Variants in SLC22A25 observed in about 807,000 individuals in gnomAD.
SLC22A25 encodes the protein MGI:2442751, MGI:2385316, MGI:3042283, MGI:3645714, MGI:3605624, MGI:2442750.
Under a neutral mutation model 45.9 loss-of-function variants are expected in SLC22A25, and 44 were observed. The ratio of observed to expected loss-of-function variants is 0.96; its 90% CI spans 0.75 to 1.23. SLC22A25 has a LOEUF of 1.23. Among genes scored for constraint, SLC22A25 ranks in the 50% most tolerant of loss-of-function variants. The pLI is 0.00. For missense variants in SLC22A25, 800 were observed against 666.4 expected (o/e 1.20, Z -2.21); for synonymous variants, 283 against 238.6 (o/e 1.19, Z -1.72).
At chr11:63,183,501 C>T (rs906932008) in intron 8 of SLC22A25, among the ~76,000 whole-genome samples, 193 bp downstream of exon 8, 1 of 152,022 alleles carries the variant, frequency 6.6e-6, no homozygotes, top group African/African-American at 2.4e-5. Flanking sequence ...TATCTGTGTC[C>T]CATCCTTTCA....
At chr11:63,181,965 G>C (rs370450664) in intron 8 of SLC22A25, among the ~76,000 whole-genome samples, 1 of 152,114 alleles carries the variant, frequency 6.6e-6, no homozygotes, top group East Asian at 1.9e-4. Flanking sequence ...TGAATGTTAC[G>C]TACTGAACTC....
At position 63,166,302 on chromosome 11, in the gene SLC22A25, C is replaced by A. The variant is rs2226866; in HGVS notation, c.1071-44G>T. On this transcript the variant is annotated intron_variant, in intron 9 of 11. Coordinates refer to ENST00000306494, the MANE Select transcript of SLC22A25 (RefSeq NM_199352.6). ...AAGGCACATATTATAATCTGTGGAACCTAAATCCTACAAATGAGAATAATA... is the reference window on the plus strand; with the variant it reads ...AAGGCACATATTATAATCTGTGGAAACTAAATCCTACAAATGAGAATAATA... 424 of 1,600,214 alleles carry A rather than the reference C, an allele frequency of 2.6e-4. 2 individuals carry two copies. Among genetic ancestry groups the A allele is most frequent in the African/African-American group, 2.5e-3 (184 of 74,684 alleles).
At chr11:63,216,563 G>T (rs1263148663) in intron 7 of SLC22A25, among the ~76,000 whole-genome samples, 1 of 152,162 alleles carries the variant, frequency 6.6e-6, no homozygotes, top group Admixed American at 6.6e-5. Flanking sequence ...ACAAGATTGT[G>T]TCCTTTGCAG....
chr11:63,217,445 T>C lies in SLC22A25; in HGVS notation c.699A>G (p.Ala233=), dbSNP rs1234582586. The change falls in exon 7 of 12, where the codon GCA becomes GCG. Residue 233 remains alanine (A), a synonymous_variant. Coordinates refer to ENST00000306494, the MANE Select transcript of SLC22A25 (RefSeq NM_199352.6). ...EWITHQFCAM[A]LTLTLCAASI... ...TAGCAGCACAAAGTGTCAATGTCAA[T>C]GCCATGGCACAGAATTGGTGAGTTA... 6.2e-7 allele frequency: 1 copy of C among 1,614,070 alleles called. No individual in the cohort carries two copies. Among genetic ancestry groups the C allele is most frequent in the Non-Finnish European group, 8.5e-7 (1 of 1,180,008 alleles).
chr11:63,220,631 C>T (rs886126607), intron 5 of SLC22A25, among the ~76,000 whole-genome samples: 3 of 152,168 alleles, frequency 2.0e-5, no homozygotes, highest in Admixed American at 1.3e-4. Context: ...TCCAATTATA[C>T]TCTTTTAGTT....
In SLC22A25 at chr11:63,166,534, G is replaced by A. The variant is rs1590771203; in HGVS notation, c.1071-276C>T. On this transcript the variant is annotated intron_variant, in intron 9 of 11. Transcript: ENST00000306494. The stretch of plus-strand genomic sequence containing the variant: ...ATTTTAAAAGCAATGGATTTTATTA[G>A]TATTCTAAAACCAATGTAGCCACAT... 7.9e-6 allele frequency: 9 copies of A among 1,137,510 alleles called. 1 individual carries two copies. In the South Asian group the frequency reaches 2.9e-4, roughly 37 times the overall value. The allele number at this position is 1,137,510 out of a possible 1,614,324, so 70.5% of individuals were successfully genotyped here.
chr11:63,193,121 C>A (rs1006387896), intron 7 of SLC22A25, among the ~76,000 whole-genome samples: 6 of 152,104 alleles, frequency 3.9e-5, no homozygotes, highest in Admixed American at 1.3e-4. Context: ...TAACTGAAAT[C>A]ATAAAAACAG....
intron 11 of SLC22A25, 39 bp downstream of exon 11, chr11:63,164,487 C>T: frequency 6.5e-7 from 1 of 1,542,604 alleles, no homozygotes; most frequent in Non-Finnish European, 9.0e-7. Flanking sequence ...TGAGACAGGT[C>T]CATTTTGAGA....
At chr11:63,180,855 A>G (rs1590804269) in intron 8 of SLC22A25, 80 bp from the exon 9 acceptor site, 1 of 924,094 alleles carries the variant, frequency 1.1e-6, no homozygotes, top group East Asian at 2.5e-5. Flanking sequence ...CAACCAACAG[A>G]TGACAAGATA....
chr11:63,170,924 T>C (rs113950742), intron 9 of SLC22A25, among the ~76,000 whole-genome samples: 5,231 of 152,234 alleles, frequency 0.034, 119 homozygotes, highest in Non-Finnish European at 0.056. Flanking sequence ...AGCACAATAC[T>C]GGCAAACTGA....
At chr11:63,199,960 T>C (rs2089187473) in intron 7 of SLC22A25, among the ~76,000 whole-genome samples, 1 of 152,068 alleles carries the variant, frequency 6.6e-6, no homozygotes, top group Non-Finnish European at 1.5e-5. Context: ...ACTTCCGCTG[T>C]TCTCTGTGTC....
At chr11:63,192,675 C>T (rs1417388869) in intron 7 of SLC22A25, among the ~76,000 whole-genome samples, 1 of 152,092 alleles carries the variant, frequency 6.6e-6, no homozygotes, top group East Asian at 1.9e-4. Context: ...GCAGAAAAAC[C>T]AGGGGTTGCA....
At chr11:63,207,829 G>A (rs2089448473) in intron 7 of SLC22A25, among the ~76,000 whole-genome samples, 1 of 152,174 alleles carries the variant, frequency 6.6e-6, no homozygotes, top group Admixed American at 6.5e-5. Context: ...TGAAATGTAA[G>A]AAATGATGTA....
intron 7 of SLC22A25, among the ~76,000 whole-genome samples, chr11:63,188,641 G>A (rs1449659025): frequency 6.6e-6 from 1 of 152,080 alleles, no homozygotes; most frequent in Non-Finnish European, 1.5e-5. Flanking sequence ...CGGTGTTAGG[G>A]TGTCAATTTT....
chr11:63,234,665 T>C (rs2090131770), intron 3 of SLC22A25, among the ~76,000 whole-genome samples: 1 of 152,244 alleles, frequency 6.6e-6, no homozygotes, highest in South Asian at 2.1e-4. Context: ...TATGTGTGAA[T>C]TTGATCCTGT....
chr11:63,170,592 A>G (rs1020503507), intron 9 of SLC22A25, among the ~76,000 whole-genome samples: 1 of 152,170 alleles, frequency 6.6e-6, no homozygotes, highest in Non-Finnish European at 1.5e-5. Flanking sequence ...CTGGACATAT[A>G]CACCCTCCCA....
At chr11:63,170,596 C>G (rs962130078) in intron 9 of SLC22A25, among the ~76,000 whole-genome samples, 3 of 151,920 alleles carry the variant, frequency 2.0e-5, no homozygotes, top group African/African-American at 7.3e-5. Context: ...ACATATACAC[C>G]CTCCCAAGAC....
At chr11:63,215,919 C>G (rs903626920) in intron 7 of SLC22A25, among the ~76,000 whole-genome samples, 1 of 152,154 alleles carries the variant, frequency 6.6e-6, no homozygotes, top group Non-Finnish European at 1.5e-5. Flanking sequence ...CCCTCCAGCT[C>G]CATCCATGTT....
chr11:63,211,596 G>A (rs2089563966), intron 7 of SLC22A25, among the ~76,000 whole-genome samples: 1 of 152,086 alleles, frequency 6.6e-6, no homozygotes, highest in African/African-American at 2.4e-5. Flanking sequence ...TTTGGTGCTG[G>A]GAAAATTGGC....
Sources: gnomAD v4.1 joint callset for allele counts (sites outside exome capture counted in the v4.1 genomes callset) on GRCh38, gnomAD v4.1.1 for gene constraint, MANE v1.5 for transcripts, NCBI Gene and HGNC (gene_info 2026-07-23, HGNC 2026-07-21) for gene names.